Variants in AGBL1 observed in about 807,000 individuals in gnomAD.
The protein encoded by AGBL1 is AGBL carboxypeptidase 1, also known as cytosolic carboxypeptidase 4.
A neutral mutation model predicts 118.9 loss-of-function variants in AGBL1; 130 were observed. The observed-to-expected ratio is 1.09, with a 90% CI of 0.95 to 1.26. The LOEUF (loss-of-function observed/expected upper bound fraction) is 1.26. Ranked by LOEUF, AGBL1 falls within the 50% of genes most tolerant of loss-of-function variation. The pLI is 0.00. For missense variants in AGBL1, 1,584 were observed against 1,298.1 expected (o/e 1.22, Z -3.38); for synonymous variants, 555 against 478.9 (o/e 1.16, Z -2.08).
chr15:86,327,885 C>T (rs1189877887), intron 17 of AGBL1, among the ~76,000 whole-genome samples: 2 of 152,048 alleles, frequency 1.3e-5, no homozygotes, highest in Admixed American at 6.6e-5. Context: ...TGGGGTGTGT[C>T]GGGGTACGTC....
intron 23 of AGBL1, among the ~76,000 whole-genome samples, chr15:86,964,215 A>G (rs1328546659): frequency 6.6e-6 from 1 of 151,326 alleles, no homozygotes; most frequent in Non-Finnish European, 1.5e-5. Flanking sequence ...CTCTTCAATC[A>G]CTCTTTTGCA....
rs369395623 is a variant in AGBL1, at chr15:86,810,935, G to C, written c.3159-96152G>C. Among the ~76,000 whole-genome samples, 7 of 152,320 alleles carry C rather than the reference G, an allele frequency of 4.6e-5. No individual in the cohort carries two copies. The East Asian group carries it at 9.7e-4, about 21-fold the overall frequency. On this transcript the variant is annotated intron_variant, in intron 22 of 22. Transcript: ENST00000614907. ...CACTAGGAGGCCTTATGGACACACAGAGGAGGAAGTGCTTCACTTTGCCAA... is the reference window on the plus strand; with the variant it reads ...CACTAGGAGGCCTTATGGACACACACAGGAGGAAGTGCTTCACTTTGCCAA...
chr15:86,229,145 A>G (rs1318281039), intron 6 of AGBL1, among the ~76,000 whole-genome samples: 1 of 152,196 alleles, frequency 6.6e-6, no homozygotes, highest in Non-Finnish European at 1.5e-5. Context: ...ATTGCAGGAA[A>G]TTTTTTAATA....
chr15:86,342,267 G>T (rs559978697), intron 17 of AGBL1, among the ~76,000 whole-genome samples: 12 of 152,216 alleles, frequency 7.9e-5, no homozygotes, highest in African/African-American at 2.6e-4. Context: ...ATATAATTTG[G>T]TCATGAACTC....
chr15:86,117,637 C>T (rs952567983), intron 1 of AGBL1, among the ~76,000 whole-genome samples: 17 of 152,190 alleles, frequency 1.1e-4, no homozygotes, highest in African/African-American at 2.7e-4. Flanking sequence ...TAACACTTCA[C>T]GTGTGCACAA....
intron 17 of AGBL1, among the ~76,000 whole-genome samples, chr15:86,373,289 T>TC (rs1455902523): frequency 6.6e-6 from 1 of 152,130 alleles, no homozygotes; most frequent in East Asian, 1.9e-4. Flanking sequence ...TTAATTACTT[T>TC]CCCCCGGAAG....
At chr15:86,727,772 T>C (rs1329115591) in intron 22 of AGBL1, among the ~76,000 whole-genome samples, 2 of 152,200 alleles carry the variant, frequency 1.3e-5, no homozygotes, top group Non-Finnish European at 2.9e-5. Context: ...AATCACTGAA[T>C]GTTAAGTTGC....
At chr15:86,861,164 C>A (rs1317259476) in intron 22 of AGBL1, among the ~76,000 whole-genome samples, 1 of 152,174 alleles carries the variant, frequency 6.6e-6, no homozygotes, top group East Asian at 1.9e-4. Context: ...GAATTCTGAT[C>A]CCCATTGAAG....
At chr15:86,969,684 CAT>C (rs1278923961) in intron 23 of AGBL1, among the ~76,000 whole-genome samples, 1 of 151,838 alleles carries the variant, frequency 6.6e-6, no homozygotes, top group Non-Finnish European at 1.5e-5. Flanking sequence ...GGTAGATGTA[CAT>C]ATATATCTGC....
At chr15:86,572,832 A>G (rs1418167546) in intron 21 of AGBL1, among the ~76,000 whole-genome samples, 3 of 152,144 alleles carry the variant, frequency 2.0e-5, no homozygotes, top group Non-Finnish European at 4.4e-5. Flanking sequence ...GCTGCCTGGA[A>G]TTTTCTATTC....
At chr15:86,650,055 TA>T (rs1446310670) in intron 21 of AGBL1, among the ~76,000 whole-genome samples, 1 of 152,226 alleles carries the variant, frequency 6.6e-6, no homozygotes, top group Non-Finnish European at 1.5e-5. Flanking sequence ...TATGGACATG[TA>T]AAAATAGTCT....
At chr15:86,716,699 C>T (rs1331139945) in intron 22 of AGBL1, among the ~76,000 whole-genome samples, 1 of 152,194 alleles carries the variant, frequency 6.6e-6, no homozygotes, top group Non-Finnish European at 1.5e-5. Flanking sequence ...GAGCTCATAA[C>T]ATAGATGTCA....
At chr15:86,553,894 T>G (rs2083696382) in intron 20 of AGBL1, among the ~76,000 whole-genome samples, 1 of 151,890 alleles carries the variant, frequency 6.6e-6, no homozygotes, top group Non-Finnish European at 1.5e-5. Flanking sequence ...GCTGTCTCAC[T>G]CTGTCTCCCA....
At chr15:86,105,350 T>A (rs2141516342) in intron 1 of AGBL1, 1 of 152,288 alleles carries the variant, frequency 6.6e-6, no homozygotes, top group South Asian at 2.1e-4. Context: ...AAGTACCAAT[T>A]TATATCAGTA....
intron 1 of AGBL1, among the ~76,000 whole-genome samples, chr15:86,102,485 CT>C (rs1236301501): frequency 2.0e-5 from 3 of 152,078 alleles, no homozygotes; most frequent in Non-Finnish European, 4.4e-5. Flanking sequence ...GTGGTGATAC[CT>C]TTTCTCAGCT....
At chr15:86,446,366 T>C (rs1219578662) in intron 18 of AGBL1, among the ~76,000 whole-genome samples, 1 of 152,246 alleles carries the variant, frequency 6.6e-6, no homozygotes, top group Non-Finnish European at 1.5e-5. Context: ...GGATCTCTTC[T>C]GAGCCAGAGA....
chr15:86,160,474 G>A (rs917958879), intron 5 of AGBL1, among the ~76,000 whole-genome samples: 1 of 152,172 alleles, frequency 6.6e-6, no homozygotes, highest in Non-Finnish European at 1.5e-5. Flanking sequence ...AGCCATGGTA[G>A]TGCTGGGGTG....
chr15:86,665,979 C>T (rs190636870), intron 21 of AGBL1, among the ~76,000 whole-genome samples: 7 of 152,196 alleles, frequency 4.6e-5, no homozygotes, highest in Admixed American at 6.5e-5. Context: ...ATCATCATCG[C>T]GTAGAAGAGC....
intron 23 of AGBL1, among the ~76,000 whole-genome samples, chr15:86,935,998 G>A (rs927669699): frequency 1.3e-5 from 2 of 152,242 alleles, no homozygotes; most frequent in African/African-American, 4.8e-5. Context: ...TCCTGTCCTC[G>A]GCTGAAGAGC....
Sources: allele counts gnomAD v4.1 joint callset (sites outside exome capture counted in the v4.1 genomes callset), GRCh38; gene constraint gnomAD v4.1.1; transcripts MANE v1.5; gene names NCBI Gene and HGNC (gene_info 2026-07-23, HGNC 2026-07-21).